The following DOCK3 variants were observed in gnomAD, a reference collection of about 807,000 sequenced individuals.
DOCK3 encodes the protein dedicator of cytokinesis 3, also known as dedicator of cytokinesis protein 3.
In DOCK3, 60 loss-of-function variants were observed where a neutral mutation model predicts 265.6. The ratio of observed to expected loss-of-function variants is 0.23; its 90% CI spans 0.18 to 0.28. The LOEUF is 0.28. DOCK3 is among the 10% of genes least tolerant of loss of function. DOCK3 has a pLI of 1.00. For missense variants in DOCK3, 1,981 were observed against 2,594.3 expected, an observed-to-expected ratio of 0.76 and a Z score of 5.14; for synonymous variants, 881 against 938.0, an observed-to-expected ratio of 0.94 and a Z score of 1.11.
chr3:51,171,306 T>G (rs538536297), intron 12 of DOCK3, among the ~76,000 whole-genome samples: 1 of 152,322 alleles, frequency 6.6e-6, no homozygotes, highest in Non-Finnish European at 1.5e-5. Context: ...CAAGAGAGTG[T>G]TGTTTAATTT....
intron 4 of DOCK3, among the ~76,000 whole-genome samples, chr3:50,900,125 AT>A (rs1435862624): frequency 6.6e-6 from 1 of 152,110 alleles, no homozygotes; most frequent in Non-Finnish European, 1.5e-5. Context: ...TCAAATGTAG[AT>A]TTGGTCTTTT....
At chr3:51,067,735 G>A (rs1049911184) in intron 6 of DOCK3, among the ~76,000 whole-genome samples, 1 of 151,966 alleles carries the variant, frequency 6.6e-6, no homozygotes, top group Admixed American at 6.6e-5. Flanking sequence ...TTATTGAAAG[G>A]AAAAGACATG....
chr3:51,202,076 A>T (rs564797256), intron 12 of DOCK3, among the ~76,000 whole-genome samples: 5 of 151,966 alleles, frequency 3.3e-5, no homozygotes, highest in Admixed American at 3.3e-4. Flanking sequence ...AGCAGGAAAG[A>T]TCCAAAATTG....
chr3:50,996,710 G>A (rs977889251), intron 5 of DOCK3, among the ~76,000 whole-genome samples: 4 of 152,158 alleles, frequency 2.6e-5, no homozygotes, highest in African/African-American at 4.8e-5. Context: ...GAGGAAATGA[G>A]TAGTGCATGG....
intron 12 of DOCK3, among the ~76,000 whole-genome samples, chr3:51,180,463 T>C (rs939620803): frequency 2.0e-5 from 3 of 152,176 alleles, no homozygotes; most frequent in Non-Finnish European, 4.4e-5. Context: ...GAAGAATGTA[T>C]TGTTTGCCTC....
chr3:50,906,193 A>G (rs1044109532), intron 4 of DOCK3, among the ~76,000 whole-genome samples: 3 of 152,020 alleles, frequency 2.0e-5, no homozygotes, highest in East Asian at 3.9e-4. Context: ...TTTTGCATCG[A>G]TGTTCATCAG....
intron 1 of DOCK3, chr3:50,719,787 C>G: frequency 1.2e-6 from 1 of 855,280 alleles, no homozygotes; most frequent in Non-Finnish European, 2.0e-6. Flanking sequence ...GAAGTCACTA[C>G]CCTGACACAT....
intron 1 of DOCK3, among the ~76,000 whole-genome samples, chr3:50,761,074 C>T (rs2040499886): frequency 6.6e-6 from 1 of 151,156 alleles, no homozygotes; most frequent in South Asian, 2.1e-4. Context: ...GCCACCGCAC[C>T]TGGATGGATT....
intron 1 of DOCK3, among the ~76,000 whole-genome samples, chr3:50,737,906 G>A (rs2038747935): frequency 6.6e-6 from 1 of 152,160 alleles, no homozygotes; most frequent in Admixed American, 6.6e-5. Context: ...TCTCTTTAGG[G>A]TCGGTTACTA....
At position 50,917,392 on chromosome 3, in the gene DOCK3, T is replaced by A. The variant is rs184443707; in HGVS notation, c.219-16589T>A. ...ATTCAGTTGCTTTAATGGTTTTTTT[T>A]ATTTATCCAGGTGTCCTATTTCTTC... On this transcript the variant is annotated intron_variant, in intron 4 of 52. Transcript: ENST00000266037. 3.0e-4 allele frequency among the ~76,000 whole-genome samples: 46 copies of A among 152,232 alleles called. 1 individual carries two copies. Among genetic ancestry groups the A allele is most frequent in the African/African-American group, 8.7e-4 (36 of 41,524 alleles).
rs542249942 is a variant in DOCK3 at position 50,723,768 on chromosome 3, A to G, written c.37+48468A>G. ...CCTAGAAGAAAACCTAGGCAATGCC[A>G]TTCAGGACATACACATGAGCAAAGA... On this transcript the variant is annotated intron_variant, in intron 1 of 52. Transcript: ENST00000266037. 6.6e-5 allele frequency among the ~76,000 whole-genome samples: 10 copies of G among 152,352 alleles called. No individual in the cohort carries two copies. In the South Asian group the frequency reaches 2.1e-3, roughly 32 times the overall value.
At chr3:50,871,582 C>T (rs2047433226) in intron 3 of DOCK3, among the ~76,000 whole-genome samples, 1 of 152,084 alleles carries the variant, frequency 6.6e-6, no homozygotes, top group Non-Finnish European at 1.5e-5. Context: ...GGAGGGTTCT[C>T]TGTTATTATT....
At chr3:50,947,609 A>T (rs1193784455) in intron 5 of DOCK3, among the ~76,000 whole-genome samples, 1 of 152,166 alleles carries the variant, frequency 6.6e-6, no homozygotes, top group Non-Finnish European at 1.5e-5. Flanking sequence ...CCACTTTCCA[A>T]GCAAGATATG....
chr3:51,072,527 G>C (rs2081914148), intron 6 of DOCK3, among the ~76,000 whole-genome samples: 1 of 151,912 alleles, frequency 6.6e-6, no homozygotes. Context: ...TCATGCCTCA[G>C]CCTCCCAAGT....
At chr3:50,758,247 C>A (rs1020446531) in intron 1 of DOCK3, among the ~76,000 whole-genome samples, 2 of 150,742 alleles carry the variant, frequency 1.3e-5, no homozygotes, top group African/African-American at 4.9e-5. Context: ...TTATCCCCCC[C>A]GCCCCAGAGT....
intron 29 of DOCK3, 43 bp downstream of exon 29, chr3:51,312,122 T>A: frequency 1.3e-6 from 2 of 1,528,210 alleles, no homozygotes; most frequent in Non-Finnish European, 1.8e-6. Flanking sequence ...TGCAATAACC[T>A]TAGAAAGCCA....
chr3:51,019,712 A>C (rs970052838), intron 5 of DOCK3, among the ~76,000 whole-genome samples: 15 of 47,664 alleles, frequency 3.1e-4, no homozygotes, highest in Middle Eastern at 0.019. Context: ...TCCCACTTAT[A>C]AGTGAGAACA....
intron 12 of DOCK3, among the ~76,000 whole-genome samples, chr3:51,168,798 C>G (rs1393864228): frequency 1.3e-5 from 2 of 152,076 alleles, no homozygotes; most frequent in Non-Finnish European, 1.5e-5. Context: ...ACAGAGTAAA[C>G]AGAGAACCTA....
chr3:51,215,563 T>A (rs1370202581), intron 14 of DOCK3, among the ~76,000 whole-genome samples: 2 of 152,248 alleles, frequency 1.3e-5, no homozygotes, highest in East Asian at 3.9e-4. Context: ...GGTGGTTCAC[T>A]GAATTCTCTT....
Sources: gnomAD v4.1 joint callset for allele counts (sites outside exome capture counted in the v4.1 genomes callset) on GRCh38, gnomAD v4.1.1 for gene constraint, MANE v1.5 for transcripts, NCBI Gene and HGNC (gene_info 2026-07-23, HGNC 2026-07-21) for gene names.